Variants in MMP16 observed in about 807,000 individuals in gnomAD.
MMP16 encodes the protein matrix metallopeptidase 16.
MMP16 carries 12 observed loss-of-function variants against 67.8 expected under a neutral mutation model. The observed-to-expected ratio is 0.18, with a 90% confidence interval of 0.11 to 0.29. The LOEUF is 0.29. MMP16 is among the 10% of genes least tolerant of loss of function. The pLI, the probability that MMP16 is intolerant of heterozygous loss-of-function variation, is 1.00. For synonymous variants in MMP16, 249 were observed against 255.9 expected, an observed-to-expected ratio of 0.97 and a Z score of 0.26; for missense variants, 475 against 765.7, an observed-to-expected ratio of 0.62 and a Z score of 4.48.
chr8:88,222,808 C>G (rs1809706560), intron 1 of MMP16, among the ~76,000 whole-genome samples: 1 of 152,128 alleles, frequency 6.6e-6, no homozygotes, highest in Non-Finnish European at 1.5e-5. Flanking sequence ...GTCTAAAACA[C>G]CAAAAGCAAT....
At chr8:88,304,458 T>C (rs1272337831) in intron 1 of MMP16, among the ~76,000 whole-genome samples, 21 of 152,072 alleles carry the variant, frequency 1.4e-4, no homozygotes, top group African/African-American at 4.6e-4. Flanking sequence ...CCCAGTAAGA[T>C]ACTCTAAAAC....
chr8:88,086,898 G>T (rs1808842706), intron 6 of MMP16, among the ~76,000 whole-genome samples: 1 of 151,776 alleles, frequency 6.6e-6, no homozygotes, highest in Non-Finnish European at 1.5e-5. Flanking sequence ...CTTATTAAAA[G>T]ACTGTACCCC....
intron 8 of MMP16, among the ~76,000 whole-genome samples, chr8:88,054,232 C>T (rs1808305015): frequency 6.6e-6 from 1 of 152,132 alleles, no homozygotes; most frequent in Non-Finnish European, 1.5e-5. Context: ...CATTTTCTGT[C>T]CCCTAGTAGC....
chr8:88,126,982 A>C (rs1324892007), intron 4 of MMP16, among the ~76,000 whole-genome samples: 1 of 151,906 alleles, frequency 6.6e-6, no homozygotes, highest in Non-Finnish European at 1.5e-5. Flanking sequence ...CAAACCTTAC[A>C]ACAAACTTTT....
chr8:88,170,213 A>G (rs537218608), intron 3 of MMP16, among the ~76,000 whole-genome samples: 24 of 152,346 alleles, frequency 1.6e-4, no homozygotes, highest in African/African-American at 5.8e-4. Context: ...GGACAGAGCA[A>G]AAGAATTCAT....
rs536297199 is a variant in MMP16 at position 88,058,425 on chromosome 8, T to C, written c.1223-2147A>G. On this transcript the variant is annotated intron_variant, in intron 7 of 9. Coordinates refer to ENST00000286614, the MANE Select transcript of MMP16 (RefSeq NM_005941.5). The surrounding 1 kb of genome is among the most constrained non-coding windows in gnomAD (Gnocchi z 4.2). The stretch of plus-strand genomic sequence containing the variant: ...CAGGCACTGTTGTAGGCACTACTGA[T>C]AGAGAAGTGAACCAGAAGGTCAACA... Among the ~76,000 whole-genome samples, 19 of 152,292 alleles carry C rather than the reference T, an allele frequency of 1.2e-4. No homozygotes were observed. Among genetic ancestry groups the C allele is most frequent in the African/African-American group, 2.9e-4 (12 of 41,578 alleles).
intron 7 of MMP16, among the ~76,000 whole-genome samples, chr8:88,065,183 T>C (rs901638266): frequency 6.6e-6 from 1 of 152,070 alleles, no homozygotes; most frequent in African/African-American, 2.4e-5. Flanking sequence ...ATTTACCTTC[T>C]TCCCTGACAA....
intron 6 of MMP16, among the ~76,000 whole-genome samples, chr8:88,112,434 A>C (rs767681520): frequency 6.6e-6 from 1 of 151,754 alleles, no homozygotes; most frequent in Non-Finnish European, 1.5e-5. Flanking sequence ...TATTCATTTG[A>C]ACAATCAGAT....
At chr8:88,110,409 G>C (rs1436969974) in intron 6 of MMP16, among the ~76,000 whole-genome samples, 1 of 151,484 alleles carries the variant, frequency 6.6e-6, no homozygotes, top group Non-Finnish European at 1.5e-5. Context: ...CCTAAAATGT[G>C]TACTAAAATA....
At chr8:88,177,567 A>C (rs1808912922) in intron 3 of MMP16, among the ~76,000 whole-genome samples, 1 of 152,168 alleles carries the variant, frequency 6.6e-6, no homozygotes, top group Admixed American at 6.5e-5. Flanking sequence ...TGAAGATCTG[A>C]GAAAGATCCT....
At chr8:88,230,331 G>T (rs983598229) in intron 1 of MMP16, among the ~76,000 whole-genome samples, 1 of 152,038 alleles carries the variant, frequency 6.6e-6, no homozygotes, top group African/African-American at 2.4e-5. Context: ...GTAACTGAGG[G>T]TAAACAAAAT....
At chr8:88,257,713 G>A (rs1214887242) in intron 1 of MMP16, among the ~76,000 whole-genome samples, 1 of 152,114 alleles carries the variant, frequency 6.6e-6, no homozygotes, top group African/African-American at 2.4e-5. Flanking sequence ...ACAAATATTT[G>A]TTAATCTGAC....
At chr8:88,302,448 G>A (rs58396591) in intron 1 of MMP16, among the ~76,000 whole-genome samples, 7,217 of 152,168 alleles carry the variant, frequency 0.047, 189 homozygotes, top group South Asian at 0.063. Context: ...TATTATCTGC[G>A]CACAAAATAA....
At chr8:88,270,971 G>C (rs959859080) in intron 1 of MMP16, among the ~76,000 whole-genome samples, 1 of 152,076 alleles carries the variant, frequency 6.6e-6, no homozygotes, top group Non-Finnish European at 1.5e-5. Context: ...ATTTACCTTT[G>C]TATCTACCCA....
At chr8:88,309,176 C>T (rs758755693) in intron 1 of MMP16, among the ~76,000 whole-genome samples, 1 of 151,924 alleles carries the variant, frequency 6.6e-6, no homozygotes, top group Admixed American at 6.6e-5. Context: ...CTCACATGTA[C>T]TTAGATAAGT....
rs1586115015 is a variant in MMP16 at position 88,035,991 on chromosome 8, A to G, written c.*5470T>C. On this transcript the variant is annotated 3_prime_UTR_variant, in exon 10 of 10. Transcript: ENST00000286614. The surrounding 1 kb of genome is among the most constrained non-coding windows in gnomAD (Gnocchi z 4.7). ...CAGAAGTACATGAAAGACAAAGGTC[A>G]CAATTAGATGAGACTAGAACATGAA... is the stretch of plus-strand genomic sequence containing the variant. The G allele has an allele frequency of 1.3e-5, 2 of 152,006 alleles. No homozygotes were observed. Among genetic ancestry groups the G allele is most frequent in the East Asian group, 3.9e-4 (2 of 5,192 alleles). 9.4% of individuals were successfully genotyped at this position (152,006 alleles called of 1,614,324 possible). A position where few individuals can be genotyped will look rare whatever the true frequency, so the allele number is the denominator to read the frequency against.
rs1345829635 is a variant in MMP16, at chr8:88,038,250, G to T, written c.*3211C>A. On this transcript the variant is annotated 3_prime_UTR_variant, in exon 10 of 10. Coordinates refer to ENST00000286614, the MANE Select transcript of MMP16 (RefSeq NM_005941.5). This position sits in a 1 kb window ranked among gnomAD's most constrained non-coding sequence, Gnocchi z 4.1. ...TCTTCTTATCTCTTGTAATAGTACA[G>T]CCTGATAACTGAAATGTTCTGTTCA... 1 of 151,918 alleles carries T rather than the reference G, an allele frequency of 6.6e-6. No individual in the cohort carries two copies. The highest frequency in any genetic ancestry group is 1.5e-5 in the Non-Finnish European group (1 of 67,926). The allele number at this position is 151,918 out of a possible 1,614,324, so 9.4% of individuals were successfully genotyped here. A position where few individuals can be genotyped will look rare whatever the true frequency, so the allele number is the denominator to read the frequency against.
intron 1 of MMP16, among the ~76,000 whole-genome samples, chr8:88,274,164 C>G (rs1810609311): frequency 6.6e-6 from 1 of 151,952 alleles, no homozygotes; most frequent in South Asian, 2.1e-4. Flanking sequence ...AAAGTGAGAC[C>G]AATCACTAAA....
chr8:88,218,642 A>C (rs1432949345), intron 1 of MMP16, among the ~76,000 whole-genome samples: 2 of 152,026 alleles, frequency 1.3e-5, no homozygotes, highest in Non-Finnish European at 2.9e-5. Flanking sequence ...TAAAACTGGA[A>C]AAAATGAAAT....
Sources: allele counts gnomAD v4.1 joint callset (sites outside exome capture counted in the v4.1 genomes callset), GRCh38; gene constraint gnomAD v4.1.1; non-coding constraint Gnocchi (gnomAD v3.1); transcripts MANE v1.5; gene names NCBI Gene and HGNC (gene_info 2026-07-23, HGNC 2026-07-21).